SLC18B1: variants seen among roughly 807,000 people sequenced by gnomAD.
The protein encoded by SLC18B1 is MFS-type transporter SLC18B1.
In SLC18B1, 62 loss-of-function variants were observed where a neutral mutation model predicts 53.9. That is an observed-to-expected ratio of 1.15 (90% CI 0.94 to 1.42). The LOEUF is 1.42. SLC18B1 is among the 40% of genes most tolerant of loss of function. SLC18B1 has a pLI of 0.00. For synonymous variants in SLC18B1, 217 were observed against 200.9 expected (o/e 1.08, Z -0.68); for missense variants, 598 against 547.3 (o/e 1.09, Z -0.93).
rs180969846 is a variant in SLC18B1, at chr6:132,782,884, C to T, written c.658+1049G>A. ...CCGCCTCCTAGGTTCAAACAATTCT[C>T]CTGTCTCAGCCTCCTGAGTAGCTGG... On this transcript the variant is annotated intron_variant, in intron 6 of 13. Transcript: ENST00000275227. 4.4e-3 allele frequency among the ~76,000 whole-genome samples: 664 copies of T among 151,568 alleles called. 4 individuals are homozygous for T. Among genetic ancestry groups the T allele is most frequent in the Middle Eastern group, 0.017 (5 of 292 alleles).
intron 8 of SLC18B1, among the ~76,000 whole-genome samples, chr6:132,774,546 G>C (rs1781053938): frequency 6.6e-6 from 1 of 152,148 alleles, no homozygotes; most frequent in Non-Finnish European, 1.5e-5. Flanking sequence ...TAGCAGGGGA[G>C]TGCATTGCAG....
chr6:132,774,667 G>C (rs1373838945), intron 8 of SLC18B1, among the ~76,000 whole-genome samples: 1 of 152,090 alleles, frequency 6.6e-6, no homozygotes, highest in Non-Finnish European at 1.5e-5. Flanking sequence ...CCAAAACTTT[G>C]AGAGGCCGAG....
intron 1 of SLC18B1, 121 bp downstream of exon 1, chr6:132,798,293 C>A (rs1562274640): frequency 8.9e-7 from 1 of 1,122,422 alleles, no homozygotes; most frequent in Non-Finnish European, 1.2e-6. Context: ...CACGATCAGG[C>A]CCCAGCCTTT....
chr6:132,793,885 T>C (rs924090496), intron 2 of SLC18B1, among the ~76,000 whole-genome samples: 7 of 152,180 alleles, frequency 4.6e-5, no homozygotes, highest in African/African-American at 1.7e-4. Context: ...TTGACTTTTT[T>C]CTTTGGTCAT....
At chr6:132,791,835 T>A (rs1362460638) in intron 2 of SLC18B1, among the ~76,000 whole-genome samples, 1 of 152,178 alleles carries the variant, frequency 6.6e-6, no homozygotes, top group African/African-American at 2.4e-5. Context: ...CAAATGGTTA[T>A]GCTGTATGTC....
At chr6:132,775,590 C>T (rs148732650) in intron 8 of SLC18B1, among the ~76,000 whole-genome samples, 7 of 152,218 alleles carry the variant, frequency 4.6e-5, no homozygotes, top group African/African-American at 1.4e-4. Context: ...GCCCTAAAAC[C>T]GCAGAAGTTT....
intron 11 of SLC18B1, among the ~76,000 whole-genome samples, chr6:132,771,394 T>G (rs1261618308): frequency 6.6e-6 from 1 of 152,168 alleles, no homozygotes; most frequent in Non-Finnish European, 1.5e-5. Flanking sequence ...GAAACAGATT[T>G]AAAAAATTCT....
At chr6:132,795,511 C>T (rs1315004401) in intron 2 of SLC18B1, among the ~76,000 whole-genome samples, 1 of 152,224 alleles carries the variant, frequency 6.6e-6, no homozygotes, top group Non-Finnish European at 1.5e-5. Context: ...CCAGAGAGCA[C>T]TGTATGGGTA....
intron 6 of SLC18B1, among the ~76,000 whole-genome samples, chr6:132,781,486 C>T (rs967314622): frequency 4.0e-5 from 6 of 151,860 alleles, no homozygotes; most frequent in Non-Finnish European, 7.4e-5. Context: ...GGGCCGGGCA[C>T]GGTGGCTCAC....
chr6:132,787,193 C>T (rs575900852), intron 5 of SLC18B1, among the ~76,000 whole-genome samples: 22 of 152,180 alleles, frequency 1.4e-4, no homozygotes, highest in South Asian at 6.2e-4. Context: ...CTGATTTGGA[C>T]CACATTTACC....
Position 132,769,954 on chromosome 6 carries a change from T to TA in SLC18B1, c.*315dup. The TA allele has an allele frequency of 4.9e-6, 1 of 202,222 alleles. No homozygotes were observed. The highest frequency in any genetic ancestry group is 1.0e-5 in the Non-Finnish European group (1 of 100,502). The allele number at this position is 202,222 out of a possible 1,614,324, so 12.5% of individuals were successfully genotyped here. A position where few individuals can be genotyped will look rare whatever the true frequency, so the allele number is the denominator to read the frequency against. ...AAAAATAAACAGAGGAAATAAGAAC[T>TA]AACTCGAGTTAATAACAACATCTTT... On this transcript the variant is annotated 3_prime_UTR_variant, in exon 14 of 14. Coordinates refer to ENST00000275227, the MANE Select transcript of SLC18B1 (RefSeq NM_052831.3).
intron 6 of SLC18B1, among the ~76,000 whole-genome samples, chr6:132,782,177 G>C (rs1257976797): frequency 1.4e-5 from 2 of 145,192 alleles, no homozygotes; most frequent in African/African-American, 5.2e-5. Flanking sequence ...GACAGAGTGA[G>C]ACTCTGTTTC....
At chr6:132,780,394 G>C (rs901920742) in intron 6 of SLC18B1, among the ~76,000 whole-genome samples, 2 of 151,878 alleles carry the variant, frequency 1.3e-5, no homozygotes, top group African/African-American at 4.8e-5. Context: ...TGGCCATGAT[G>C]GCCCTCATTC....
In SLC18B1 at chr6:132,798,366, G is replaced by A; in HGVS notation, c.43+48C>T. On this transcript the variant is annotated intron_variant, in intron 1 of 13. Coordinates refer to ENST00000275227, the MANE Select transcript of SLC18B1 (RefSeq NM_052831.3). ...CAATCGTTGCTAAAGAGACACGCCG[G>A]AAGCCGCCGCTGGTCTCCGGGCTCC... is the stretch of plus-strand genomic sequence containing the variant. 1.3e-6 allele frequency: 2 copies of A among 1,497,794 alleles called. 1 individual carries two copies. The highest frequency in any genetic ancestry group is 2.6e-5 in the South Asian group (2 of 77,856). 92.8% of individuals were successfully genotyped at this position (1,497,794 alleles called of 1,614,324 possible).
chr6:132,795,593 A>C (rs890886469), intron 2 of SLC18B1, among the ~76,000 whole-genome samples: 2 of 152,246 alleles, frequency 1.3e-5, no homozygotes, highest in Admixed American at 1.3e-4. Flanking sequence ...GAAGGACTAC[A>C]TGTTTAAAAG....
intron 6 of SLC18B1, among the ~76,000 whole-genome samples, 187 bp from the exon 7 acceptor site, chr6:132,779,591 A>T (rs1781179297): frequency 6.6e-6 from 1 of 152,202 alleles, no homozygotes; most frequent in Admixed American, 6.5e-5. Context: ...GGCCACATTC[A>T]ATTTATTAAA....
intron 2 of SLC18B1, among the ~76,000 whole-genome samples, chr6:132,793,700 T>C (rs1265453657): frequency 1.3e-5 from 2 of 152,206 alleles, no homozygotes; most frequent in Non-Finnish European, 2.9e-5. Context: ...GTTTATAAAC[T>C]ATTACCAAAG....
intron 1 of SLC18B1, among the ~76,000 whole-genome samples, chr6:132,798,000 A>G (rs939269084): frequency 6.6e-6 from 1 of 152,192 alleles, no homozygotes; most frequent in Non-Finnish European, 1.5e-5. Flanking sequence ...GCAGTCCAGA[A>G]GGAAAAAAAA....
Position 132,774,292 on chromosome 6 carries a change from C to T in SLC18B1, c.919G>A (p.Val307Met), listed in dbSNP as rs1781048126. The T allele has an allele frequency of 2.5e-6, 4 of 1,612,364 alleles. No homozygotes were observed. ...CCGGCTGTGATTAAGTTGCCAAACA[C>T]CAGAAGCCATTTCCTTAGAGGCTGG... The part of the protein sequence containing the change: ...KRPPLRKWLL[V>M]FGNLITAGCY... The change falls in exon 9 of 14, where the codon GTG becomes ATG. Residue 307 changes from valine (V) to methionine (M), a missense_variant. Physicochemically the swap from Val to Met is conservative, Grantham distance 21. Transcript: ENST00000275227.
Sources: allele counts gnomAD v4.1 joint callset (sites outside exome capture counted in the v4.1 genomes callset), GRCh38; gene constraint gnomAD v4.1.1; transcripts MANE v1.5; gene names NCBI Gene and HGNC (gene_info 2026-07-23, HGNC 2026-07-21).